Variants in GPHN observed in about 807,000 individuals in gnomAD.
GPHN encodes gephyrin.
GPHN carries 17 observed loss-of-function variants against 95.5 expected under a neutral mutation model. The observed-to-expected ratio is 0.18, with a 90% CI of 0.12 to 0.27. The LOEUF (loss-of-function observed/expected upper bound fraction) is 0.27, where lower values mean the gene tolerates loss of function less well. Among genes scored for constraint, GPHN ranks in the 10% least tolerant of loss-of-function variants. GPHN has a pLI of 1.00. For missense variants in GPHN, 660 were observed against 978.1 expected (o/e 0.67, Z 4.34); for synonymous variants, 320 against 322.5 (o/e 0.99, Z 0.08).
At chr14:66,771,607 G>A (rs2153458305) in intron 2 of GPHN, among the ~76,000 whole-genome samples, 1 of 151,892 alleles carries the variant, frequency 6.6e-6, no homozygotes, top group Non-Finnish European at 1.5e-5. Context: ...TAAGTTTTAG[G>A]GTACATGTGC....
intron 8 of GPHN, among the ~76,000 whole-genome samples, chr14:66,933,587 C>G (rs2066940235): frequency 6.6e-6 from 1 of 152,128 alleles, no homozygotes; most frequent in Non-Finnish European, 1.5e-5. Flanking sequence ...GATATAAGCC[C>G]TTACCTCACC....
At chr14:67,297,555 G>A in the GPHN span, among the ~76,000 whole-genome samples, 1 of 152,098 alleles carries the variant, frequency 6.6e-6, no homozygotes, top group Non-Finnish European at 1.5e-5. Flanking sequence ...ATATAAACAG[G>A]CTTCTAATTT....
the GPHN span, among the ~76,000 whole-genome samples, chr14:67,265,558 T>A: frequency 2.0e-5 from 3 of 147,530 alleles, no homozygotes; most frequent in Non-Finnish European, 4.5e-5. Flanking sequence ...CTATCTCTAT[T>A]TAAAAGAAAA....
chr14:67,340,270 C>G, the GPHN span: 3 of 583,724 alleles, frequency 5.1e-6, no homozygotes, highest in Non-Finnish European at 8.8e-6. Context: ...TAAAATTTGA[C>G]AGATTTGTTT....
chr14:67,370,065 A>G, the GPHN span, among the ~76,000 whole-genome samples: 1 of 152,250 alleles, frequency 6.6e-6, no homozygotes, highest in Non-Finnish European at 1.5e-5. Flanking sequence ...CTTATGGGAA[A>G]TGAAGGGATG....
At chr14:66,806,843 T>G (rs1478567541) in intron 3 of GPHN, among the ~76,000 whole-genome samples, 4 of 152,164 alleles carry the variant, frequency 2.6e-5, no homozygotes, top group South Asian at 2.1e-4. Context: ...TTTCCCACAT[T>G]TTTCTGTCTT....
chr14:66,665,796 G>T (rs1404639900), intron 1 of GPHN, among the ~76,000 whole-genome samples: 1 of 152,072 alleles, frequency 6.6e-6, no homozygotes, highest in African/African-American at 2.4e-5. Context: ...AAGACACATG[G>T]CACACATATG....
At chr14:67,343,362 T>G in the GPHN span, 1 of 1,606,416 alleles carries the variant, frequency 6.2e-7, no homozygotes, top group Non-Finnish European at 8.5e-7. Flanking sequence ...TCACAGTACC[T>G]AATACTCACC....
intron 1 of GPHN, among the ~76,000 whole-genome samples, chr14:66,606,465 T>C (rs911319949): frequency 6.6e-6 from 1 of 152,182 alleles, no homozygotes; most frequent in Non-Finnish European, 1.5e-5. Flanking sequence ...TGGGATCTGC[T>C]TTTGTTCCAT....
At chr14:67,722,697 G>A in the GPHN span, 1 of 1,613,758 alleles carries the variant, frequency 6.2e-7, no homozygotes, top group East Asian at 2.2e-5. Flanking sequence ...GTATATGGTA[G>A]CTCCATCCAT....
At chr14:67,509,795 C>A in the GPHN span, among the ~76,000 whole-genome samples, 2 of 152,104 alleles carry the variant, frequency 1.3e-5, no homozygotes, top group Non-Finnish European at 2.9e-5. Context: ...TTGCTTGAGG[C>A]CAGGAGTTTG....
the GPHN span, chr14:67,225,290 A>G: frequency 1.1e-5 from 15 of 1,424,066 alleles, no homozygotes; most frequent in East Asian, 3.4e-4. Flanking sequence ...ATAAGTCTCT[A>G]TAGGAATACA....
intron 4 of GPHN, among the ~76,000 whole-genome samples, chr14:66,843,188 C>T (rs761198271): frequency 1.3e-5 from 2 of 152,110 alleles, no homozygotes; most frequent in Admixed American, 6.6e-5. Context: ...GATTTGCATT[C>T]TTCACTCACT....
chr14:66,635,320 A>G (rs2064037881), intron 1 of GPHN, among the ~76,000 whole-genome samples: 1 of 152,210 alleles, frequency 6.6e-6, no homozygotes, highest in Non-Finnish European at 1.5e-5. Flanking sequence ...GCTGAAAAAG[A>G]ACACGTGGGA....
At chr14:66,705,287 A>G (rs778562329) in intron 2 of GPHN, among the ~76,000 whole-genome samples, 39 of 96,078 alleles carry the variant, frequency 4.1e-4, no homozygotes, top group South Asian at 1.4e-3. Flanking sequence ...ACAGTTGAAA[A>G]GGAGGGACTC....
chr14:67,327,543 GGTTT>G, the GPHN span, among the ~76,000 whole-genome samples: 1 of 151,754 alleles, frequency 6.6e-6, no homozygotes, highest in Non-Finnish European at 1.5e-5. Flanking sequence ...ACAACATGCA[GGTTT>G]GTTACGTATG....
intron 2 of GPHN, among the ~76,000 whole-genome samples, chr14:66,739,462 C>T (rs931535846): frequency 3.9e-4 from 58 of 150,424 alleles, no homozygotes; most frequent in African/African-American, 1.3e-3. Context: ...GTGATCTGCC[C>T]GCCTCAGCCT....
intron 2 of GPHN, among the ~76,000 whole-genome samples, chr14:66,729,917 C>T (rs762186356): frequency 1.3e-5 from 2 of 152,210 alleles, no homozygotes; most frequent in African/African-American, 4.8e-5. Flanking sequence ...CTGATCTGAT[C>T]TCCCACTATG....
chr14:66,985,820 G>C, intron 9 of GPHN: 1 of 697,034 alleles, frequency 1.4e-6, no homozygotes, highest in Non-Finnish European at 2.3e-6. Flanking sequence ...TGGGAGGAAG[G>C]GGGCTTTTTC....
Sources: allele counts gnomAD v4.1 joint callset (sites outside exome capture counted in the v4.1 genomes callset), GRCh38; gene constraint gnomAD v4.1.1; transcripts MANE v1.5; gene names NCBI Gene and HGNC (gene_info 2026-07-23, HGNC 2026-07-21).